FHIP1A: variants seen among roughly 807,000 people sequenced by gnomAD.
FHIP1A encodes the protein FHF complex subunit HOOK interacting protein 1A.
FHIP1A carries 61 observed loss-of-function variants against 88.6 expected under a neutral mutation model. The ratio of observed to expected loss-of-function variants is 0.69; its 90% confidence interval spans 0.56 to 0.85. The LOEUF (loss-of-function observed/expected upper bound fraction) is 0.85, where lower values mean the gene tolerates loss of function less well. FHIP1A is among the 40% of genes least tolerant of loss of function. The probability of loss-of-function intolerance (pLI) is 0.00; values close to 1 mark genes in which losing one functional copy is unlikely to be tolerated. For missense variants in FHIP1A, 1,154 were observed against 1,273.5 expected (o/e 0.91, Z 1.43); for synonymous variants, 478 against 496.0 (o/e 0.96, Z 0.48).
chr4:151,528,598 C>T (rs545056314), intron 3 of FHIP1A, among the ~76,000 whole-genome samples: 1 of 152,248 alleles, frequency 6.6e-6, no homozygotes, highest in South Asian at 2.1e-4. Flanking sequence ...TGTAATGGCT[C>T]CTGCAGGATT....
At chr4:151,617,192 C>T (rs748011957) in intron 7 of FHIP1A, among the ~76,000 whole-genome samples, 10 of 152,066 alleles carry the variant, frequency 6.6e-5, no homozygotes, top group African/African-American at 1.2e-4. Context: ...GCCAGAAGTA[C>T]GCTGCTAGGA....
chr4:151,482,900 A>G (rs555712139), intron 3 of FHIP1A, among the ~76,000 whole-genome samples: 105 of 152,212 alleles, frequency 6.9e-4, no homozygotes, highest in African/African-American at 2.4e-3. Context: ...AGTGGCAAAT[A>G]TCAACCTTGT....
chr4:151,436,071 A>G (rs1486812612), intron 1 of FHIP1A, among the ~76,000 whole-genome samples: 1 of 152,150 alleles, frequency 6.6e-6, no homozygotes, highest in Admixed American at 6.6e-5. Flanking sequence ...TTTATTCCCC[A>G]AAAAGAAATG....
At chr4:151,598,833 A>G (rs1441500743) in intron 7 of FHIP1A, among the ~76,000 whole-genome samples, 1 of 152,206 alleles carries the variant, frequency 6.6e-6, no homozygotes, top group Non-Finnish European at 1.5e-5. Context: ...CACTTGGTTC[A>G]CAACCTAACT....
At chr4:151,645,501 T>C (rs2126902434) in intron 9 of FHIP1A, among the ~76,000 whole-genome samples, 1 of 151,916 alleles carries the variant, frequency 6.6e-6, no homozygotes, top group Middle Eastern at 3.4e-3. Context: ...AGTCGTACTT[T>C]TTATCTTTTT....
chr4:151,659,202 GA>G (rs1340050014), intron 13 of FHIP1A, among the ~76,000 whole-genome samples: 1 of 152,146 alleles, frequency 6.6e-6, no homozygotes, highest in Non-Finnish European at 1.5e-5. Context: ...CTTCTCTCTG[GA>G]TATAACATTT....
At chr4:151,487,582 C>T (rs554653725) in intron 3 of FHIP1A, among the ~76,000 whole-genome samples, 3 of 152,314 alleles carry the variant, frequency 2.0e-5, no homozygotes, top group Admixed American at 6.5e-5. Context: ...ACCTGAAATC[C>T]GTGCCTTCTT....
At chr4:151,540,869 G>A (rs942945304) in intron 3 of FHIP1A, among the ~76,000 whole-genome samples, 11 of 152,120 alleles carry the variant, frequency 7.2e-5, no homozygotes, top group South Asian at 2.1e-4. Flanking sequence ...ATGTTCCCCC[G>A]AGGCAGTGAT....
chr4:151,612,892 A>G (rs1250546538), intron 7 of FHIP1A, among the ~76,000 whole-genome samples: 1 of 152,232 alleles, frequency 6.6e-6, no homozygotes, highest in African/African-American at 2.4e-5. Flanking sequence ...GTAGCAGCAC[A>G]GAATGAAGTT....
intron 3 of FHIP1A, among the ~76,000 whole-genome samples, chr4:151,534,295 T>C (rs1731986984): frequency 1.3e-5 from 2 of 152,276 alleles, no homozygotes; most frequent in Non-Finnish European, 2.9e-5. Flanking sequence ...ATGTTACTTA[T>C]AATAGAAACA....
chr4:151,537,373 G>A (rs554120517), intron 3 of FHIP1A, among the ~76,000 whole-genome samples: 1 of 152,202 alleles, frequency 6.6e-6, no homozygotes, highest in Non-Finnish European at 1.5e-5. Flanking sequence ...AGCTAGTAAT[G>A]TTGAACTTTT....
intron 13 of FHIP1A, among the ~76,000 whole-genome samples, chr4:151,658,487 T>A (rs1486980479): frequency 1.3e-5 from 2 of 152,196 alleles, no homozygotes; most frequent in Non-Finnish European, 2.9e-5. Context: ...TCCAGCAGAT[T>A]AGCCCAGGCT....
intron 7 of FHIP1A, among the ~76,000 whole-genome samples, chr4:151,592,670 T>G (rs1425025620): frequency 2.0e-5 from 3 of 152,230 alleles, no homozygotes; most frequent in Non-Finnish European, 4.4e-5. Context: ...TAGCCCTTTG[T>G]CAGATGGATA....
chr4:151,504,820 G>A (rs980544093), intron 3 of FHIP1A, among the ~76,000 whole-genome samples: 1 of 152,082 alleles, frequency 6.6e-6, no homozygotes, highest in African/African-American at 2.4e-5. Context: ...GTTTCACCAC[G>A]TTGGCCAGGC....
intron 7 of FHIP1A, among the ~76,000 whole-genome samples, chr4:151,593,733 C>A (rs1396646281): frequency 6.6e-6 from 1 of 152,148 alleles, no homozygotes; most frequent in African/African-American, 2.4e-5. Flanking sequence ...TCCTCTCTTC[C>A]TGTTTGAATA....
At chr4:151,583,957 T>C (rs1734115963) in intron 5 of FHIP1A, among the ~76,000 whole-genome samples, 1 of 152,194 alleles carries the variant, frequency 6.6e-6, no homozygotes, top group Non-Finnish European at 1.5e-5. Context: ...TGTACTGTCT[T>C]GTTTACGGTT....
At chr4:151,586,849 C>CAA in intron 6 of FHIP1A, 50 bp downstream of exon 6, 1 of 1,316,436 alleles carries the variant, frequency 7.6e-7, no homozygotes, top group Non-Finnish European at 1.0e-6. Context: ...ATTCAGAGCA[C>CAA]AAGCACTGCA....
intron 3 of FHIP1A, among the ~76,000 whole-genome samples, chr4:151,536,759 A>G (rs1316087212): frequency 6.6e-6 from 1 of 152,258 alleles, no homozygotes; most frequent in Non-Finnish European, 1.5e-5. Flanking sequence ...AAATAAAACT[A>G]CTATGAACAT....
intron 1 of FHIP1A, among the ~76,000 whole-genome samples, chr4:151,430,595 G>A (rs1474145970): frequency 1.3e-5 from 2 of 152,184 alleles, no homozygotes; most frequent in African/African-American, 4.8e-5. Context: ...TTGATTTTAA[G>A]TAGGAGTAAT....
Sources: gnomAD v4.1 joint callset for allele counts (sites outside exome capture counted in the v4.1 genomes callset) on GRCh38, gnomAD v4.1.1 for gene constraint, MANE v1.5 for transcripts, NCBI Gene and HGNC (gene_info 2026-07-23, HGNC 2026-07-21) for gene names.